HTR7: variants seen among roughly 807,000 people sequenced by gnomAD.
The protein encoded by HTR7 is 5-hydroxytryptamine receptor 7.
In HTR7, 16 loss-of-function variants were observed where a neutral mutation model predicts 34.0. The ratio of observed to expected loss-of-function variants is 0.47; its 90% CI spans 0.32 to 0.71. The LOEUF (loss-of-function observed/expected upper bound fraction) is 0.71, where lower values mean the gene tolerates loss of function less well. Ranked by LOEUF, HTR7 falls within the 30% of genes least tolerant of loss-of-function variation. The pLI, the probability that HTR7 is intolerant of heterozygous loss-of-function variation, is 0.04. For synonymous variants in HTR7, 265 were observed against 260.2 expected, an observed-to-expected ratio of 1.02 and a Z score of -0.18; for missense variants, 504 against 625.5, an observed-to-expected ratio of 0.81 and a Z score of 2.07.
chr10:90,749,322 G>C lies in HTR7; in HGVS notation c.812C>G (p.Ala271Gly), dbSNP rs777913608. ...AGGGAAGCCAGGAAACTTGTGTTTG[G>C]CAGCACTCTTCCTGGCAGCCTTGTA... ...QIYKAARKSA[A>G]KHKFPGFPRV... Residue 271 changes from alanine to glycine, a missense_variant, in exon 2 of 4, where the codon GCC (alanine) becomes GGC (glycine). Ala to Gly is a moderately conservative substitution (Grantham distance 60). Around this residue, in one of 4 missense-constraint regions of HTR7, gnomAD observed 57 missense variants for 47.5 expected, o/e 1.20. Coordinates refer to ENST00000336152, the MANE Select transcript of HTR7 (RefSeq NM_019859.4). This position sits in a 1 kb window ranked among gnomAD's most constrained non-coding sequence, Gnocchi z 4.2. 6.2e-7 allele frequency: 1 copy of C among 1,614,174 alleles called. No homozygotes were observed. The highest frequency in any genetic ancestry group is 1.1e-5 in the South Asian group (1 of 91,082).
chr10:90,803,284 T>C (rs1008831325), intron 1 of HTR7, among the ~76,000 whole-genome samples: 8 of 152,126 alleles, frequency 5.3e-5, no homozygotes, highest in African/African-American at 9.7e-5. Context: ...GTTTGATATG[T>C]TGGCATATGA....
intron 1 of HTR7, among the ~76,000 whole-genome samples, chr10:90,777,833 A>G (rs934061794): frequency 6.6e-6 from 1 of 152,236 alleles, no homozygotes; most frequent in African/African-American, 2.4e-5. Context: ...GTGACAGCTG[A>G]TGGGAAGTGA....
At chr10:90,831,478 CATAAAAGCAGTGTGG>C in intron 1 of HTR7, among the ~76,000 whole-genome samples, 1 of 152,240 alleles carries the variant, frequency 6.6e-6, no homozygotes, top group East Asian at 1.9e-4. Flanking sequence ...TGTTACAGCT[CATAAAAGCAGTGTGG>C]ACCCAAAAAG....
intron 1 of HTR7, among the ~76,000 whole-genome samples, chr10:90,821,642 GAGAC>G (rs1229878883): frequency 6.6e-6 from 1 of 152,218 alleles, no homozygotes; most frequent in African/African-American, 2.4e-5. Context: ...ATGACCTAGT[GAGAC>G]ACCAACCAGT....
At chr10:90,819,629 T>A (rs1845947812) in intron 1 of HTR7, among the ~76,000 whole-genome samples, 1 of 152,226 alleles carries the variant, frequency 6.6e-6, no homozygotes, top group Non-Finnish European at 1.5e-5. Flanking sequence ...CACTTCTAAT[T>A]GTCCTCTTGG....
chr10:90,831,534 A>G (rs1461902040), intron 1 of HTR7, among the ~76,000 whole-genome samples: 5 of 152,206 alleles, frequency 3.3e-5, no homozygotes, highest in Non-Finnish European at 5.9e-5. Flanking sequence ...TGCAAAAAGC[A>G]AAACACATTG....
intron 1 of HTR7, among the ~76,000 whole-genome samples, chr10:90,776,176 G>A (rs1439974949): frequency 6.6e-6 from 1 of 152,070 alleles, no homozygotes; most frequent in Non-Finnish European, 1.5e-5. Flanking sequence ...GTAGACAATA[G>A]GGTCTACCTG....
chr10:90,771,081 T>A (rs1845102157), intron 1 of HTR7, among the ~76,000 whole-genome samples: 1 of 151,956 alleles, frequency 6.6e-6, no homozygotes, highest in African/African-American at 2.4e-5. Context: ...TGAACACTCA[T>A]CGGGATGACC....
intron 1 of HTR7, among the ~76,000 whole-genome samples, chr10:90,795,386 T>C (rs1350181785): frequency 2.0e-5 from 3 of 152,148 alleles, no homozygotes; most frequent in Non-Finnish European, 4.4e-5. Context: ...AATTAGCACC[T>C]CCTTCTACCA....
intron 1 of HTR7, among the ~76,000 whole-genome samples, chr10:90,789,008 C>T (rs1050830392): frequency 6.6e-6 from 1 of 152,120 alleles, no homozygotes; most frequent in Non-Finnish European, 1.5e-5. Flanking sequence ...CCCATTATCG[C>T]GATCCCCTAG....
intron 1 of HTR7, among the ~76,000 whole-genome samples, chr10:90,795,176 A>G (rs1845519373): frequency 6.6e-6 from 1 of 152,238 alleles, no homozygotes; most frequent in African/African-American, 2.4e-5. Flanking sequence ...ATATACCAGT[A>G]GTAGGATTGC....
intron 1 of HTR7, among the ~76,000 whole-genome samples, chr10:90,758,238 A>G (rs1437705945): frequency 1.3e-5 from 2 of 149,916 alleles, no homozygotes. Flanking sequence ...CCAGCTACTC[A>G]GGAGGCAGAG....
chr10:90,742,507 T>C lies in HTR7; in HGVS notation c.1415A>G (p.Glu472Gly). Residue 472 changes from glutamate to glycine, a missense_variant, in exon 4 of 4, where the codon GAA becomes GGA. Glu to Gly is a moderately conservative substitution (Grantham distance 98). Around this residue, in one of 4 missense-constraint regions of HTR7, gnomAD observed 154 missense variants for 212.1 expected, o/e 0.73. Transcript: ENST00000336152. The part of the protein sequence containing the change: ...WLADKMLTTV[E>G]KKVMIHD ...TCAATCATGAATCATGACCTTTTTT[T>C]CTACAGTAGTCAGCATTTTGTCTAA... 1 of 1,598,118 alleles carries C rather than the reference T, an allele frequency of 6.3e-7. No individual in the cohort carries two copies. Among genetic ancestry groups the C allele is most frequent in the Non-Finnish European group, 8.5e-7 (1 of 1,172,388 alleles).
Position 90,841,384 on chromosome 10 carries a change from G to A in HTR7, c.539+15749C>T, listed in dbSNP as rs570097037. ...TAAAACAACAAAAATTTTTTATCCC[G>A]CAGTTCTGTAGGTCAGAAGTCAAAT... On this transcript the variant is annotated intron_variant, in intron 1 of 3. Transcript: ENST00000336152. Among the ~76,000 whole-genome samples, 10 of 152,160 alleles carry A rather than the reference G, an allele frequency of 6.6e-5. No homozygotes were observed. In the South Asian group the frequency reaches 8.3e-4, roughly 13 times the overall value.
intron 1 of HTR7, among the ~76,000 whole-genome samples, chr10:90,796,577 G>C (rs1180553421): frequency 2.0e-5 from 3 of 152,130 alleles, no homozygotes; most frequent in Admixed American, 2.0e-4. Flanking sequence ...CAGGTGTCGT[G>C]ACAAGTGCCT....
chr10:90,857,789 G>A lies in HTR7; in HGVS notation c.-118C>T. 1 of 1,017,858 alleles carries A rather than the reference G, an allele frequency of 9.8e-7. No homozygotes were observed. Among genetic ancestry groups the A allele is most frequent in the South Asian group, 3.0e-5 (1 of 32,882 alleles). The allele number at this position is 1,017,858 out of a possible 1,614,324, so 63.1% of individuals were successfully genotyped here. A position where few individuals can be genotyped will look rare whatever the true frequency, so the allele number is the denominator to read the frequency against. ...CGCCCGGCCCAGCCATGGGGCCCGC[G>A]CCGACCGCTGGGGGGCGCCTGGCTC... is the stretch of plus-strand genomic sequence containing the variant. On this transcript the variant is annotated 5_prime_UTR_variant, in exon 1 of 4. Transcript: ENST00000336152. The surrounding 1 kb of genome is among the most constrained non-coding windows in gnomAD (Gnocchi z 6.5).
chr10:90,798,817 A>T (rs781469682), intron 1 of HTR7, among the ~76,000 whole-genome samples: 7 of 152,218 alleles, frequency 4.6e-5, no homozygotes, highest in African/African-American at 7.2e-5. Flanking sequence ...TGTAGGCTGA[A>T]TCAACTTTGG....
At chr10:90,750,511 G>C (rs1197332016) in intron 1 of HTR7, among the ~76,000 whole-genome samples, 1 of 152,088 alleles carries the variant, frequency 6.6e-6, no homozygotes, top group Non-Finnish European at 1.5e-5. Context: ...ATATTTAATA[G>C]TCGTAGAGTC....
intron 2 of HTR7, among the ~76,000 whole-genome samples, chr10:90,745,987 C>T (rs1275695609): frequency 1.3e-5 from 2 of 152,188 alleles, no homozygotes; most frequent in Non-Finnish European, 2.9e-5. Context: ...TATCTTTAGA[C>T]TTTATGTTAG....
Sources: allele counts gnomAD v4.1 joint callset (sites outside exome capture counted in the v4.1 genomes callset), GRCh38; gene constraint gnomAD v4.1.1; regional missense constraint gnomAD v4.1.1; non-coding constraint Gnocchi (gnomAD v3.1); transcripts MANE v1.5; gene names NCBI Gene and HGNC (gene_info 2026-07-23, HGNC 2026-07-21).